The following NCOA3 variants were observed in gnomAD, a reference collection of about 807,000 sequenced individuals.
NCOA3 encodes the protein CBP-interacting protein.
NCOA3 carries 51 observed loss-of-function variants against 158.8 expected under a neutral mutation model. The ratio of observed to expected loss-of-function variants is 0.32; its 90% CI spans 0.26 to 0.41. The LOEUF is 0.41. Among genes scored for constraint, NCOA3 ranks in the 10% least tolerant of loss-of-function variants. NCOA3 has a pLI of 1.00. For missense variants in NCOA3, 1,510 were observed against 1,746.6 expected (o/e 0.86, Z 2.41); for synonymous variants, 537 against 592.4 (o/e 0.91, Z 1.36).
At chr20:47,571,606 G>T (rs576529958) in intron 1 of NCOA3, among the ~76,000 whole-genome samples, 62 of 152,086 alleles carry the variant, frequency 4.1e-4, no homozygotes, top group Admixed American at 4.6e-4. Flanking sequence ...TGAGCAGTAG[G>T]TCTCAACAGT....
chr20:47,647,962 T>A (rs1040593627), intron 18 of NCOA3, among the ~76,000 whole-genome samples: 4 of 149,564 alleles, frequency 2.7e-5, no homozygotes, highest in African/African-American at 9.9e-5. Flanking sequence ...TCGCCCAGGC[T>A]GGAGTGCAGT....
Position 47,563,426 on chromosome 20 carries a change from A to G in NCOA3, c.-98-19757A>G, listed in dbSNP as rs79012830. 8.5e-3 allele frequency among the ~76,000 whole-genome samples: 1,297 copies of G among 152,268 alleles called. 13 individuals are homozygous for G. The highest frequency in any genetic ancestry group is 0.013 in the Non-Finnish European group (918 of 68,028). Reference sequence around the variant, plus strand: ...CATATGTAGAAGGAATAGATAGGCTATCTCTGTACTTGGTCTCAATTTTGG... The same window carrying G: ...CATATGTAGAAGGAATAGATAGGCTGTCTCTGTACTTGGTCTCAATTTTGG... On this transcript the variant is annotated intron_variant, in intron 1 of 22. Coordinates refer to ENST00000371998, the MANE Select transcript of NCOA3 (RefSeq NM_181659.3).
intron 1 of NCOA3, among the ~76,000 whole-genome samples, chr20:47,564,482 T>A (rs2085160277): frequency 6.6e-6 from 1 of 152,204 alleles, no homozygotes; most frequent in Middle Eastern, 3.4e-3. Flanking sequence ...ATCTCTCACC[T>A]CAAGGAGCTT....
chr20:47,523,933 C>T (rs1330195133), intron 1 of NCOA3, among the ~76,000 whole-genome samples: 1 of 152,226 alleles, frequency 6.6e-6, no homozygotes, highest in Non-Finnish European at 1.5e-5. Context: ...ATTTTCATAG[C>T]CCATGCTAAA....
At chr20:47,548,685 G>A (rs2084876425) in intron 1 of NCOA3, among the ~76,000 whole-genome samples, 1 of 152,192 alleles carries the variant, frequency 6.6e-6, no homozygotes, top group African/African-American at 2.4e-5. Flanking sequence ...AAGTGTGCAT[G>A]TATATTATGC....
intron 1 of NCOA3, among the ~76,000 whole-genome samples, chr20:47,562,369 A>G (rs1236033363): frequency 6.6e-6 from 1 of 152,228 alleles, no homozygotes; most frequent in Non-Finnish European, 1.5e-5. Context: ...ATGAATGAGA[A>G]TTCCTGTTGC....
At chr20:47,525,565 G>C (rs1430421255) in intron 1 of NCOA3, among the ~76,000 whole-genome samples, 5 of 136,316 alleles carry the variant, frequency 3.7e-5, no homozygotes, top group Middle Eastern at 4.0e-3. Flanking sequence ...ACGGGGGGCT[G>C]ACCCCCCCCA....
chr20:47,511,800 T>C (rs1451755021), intron 1 of NCOA3, among the ~76,000 whole-genome samples: 4 of 151,528 alleles, frequency 2.6e-5, no homozygotes, highest in Non-Finnish European at 4.4e-5. Flanking sequence ...GATCTGCCCG[T>C]CTCCAAAATA....
In NCOA3 at chr20:47,647,919, GT is replaced by G. The variant is rs34097290; in HGVS notation, c.3546+566del. Among the ~76,000 whole-genome samples, 101 of 103,346 alleles carry G rather than the reference GT, an allele frequency of 9.8e-4. 1 individual carries two copies. Among genetic ancestry groups the G allele is most frequent in the African/African-American group, 3.8e-3 (79 of 20,632 alleles). 67.8% of individuals were successfully genotyped at this position (103,346 alleles called of 152,430 possible). ...TTTGTTTGTTTGTTTGTTTTGTTTT[GT>G]TTTTTTTTTTTTGAGGTGGAGTCTT... is the stretch of plus-strand genomic sequence containing the variant. On this transcript the variant is annotated intron_variant, in intron 18 of 22. Transcript: ENST00000371998.
At chr20:47,552,612 T>C (rs746349259) in intron 1 of NCOA3, among the ~76,000 whole-genome samples, 3 of 152,238 alleles carry the variant, frequency 2.0e-5, no homozygotes, top group Admixed American at 6.5e-5. Flanking sequence ...TGTCTCATAC[T>C]GCTGTTAATT....
chr20:47,518,385 T>G (rs905664500), intron 1 of NCOA3, among the ~76,000 whole-genome samples: 1 of 149,354 alleles, frequency 6.7e-6, no homozygotes, highest in Non-Finnish European at 1.5e-5. Context: ...AAAAGAAACA[T>G]AATTGAAAAA....
intron 8 of NCOA3, among the ~76,000 whole-genome samples, chr20:47,629,674 C>T (rs1049417773): frequency 6.6e-6 from 1 of 152,144 alleles, no homozygotes; most frequent in Admixed American, 6.6e-5. Flanking sequence ...ATTAACTCCC[C>T]TCAGATAAAC....
In NCOA3 at chr20:47,505,425, T is replaced by G. The variant is rs137874683; in HGVS notation, c.-99+3406T>G. ...GGAGGTAGAGTACTTTTGAAAACTT[T>G]TAATTTGTTGCAAGTTTAGAATGCA... On this transcript the variant is annotated intron_variant, in intron 1 of 22. Transcript: ENST00000371998. Among the ~76,000 whole-genome samples the G allele has an allele frequency of 5.9e-5, 9 of 152,226 alleles. No homozygotes were observed. The East Asian group carries it at 9.7e-4, about 16-fold the overall frequency.
chr20:47,594,644 G>A (rs182132190), intron 2 of NCOA3, among the ~76,000 whole-genome samples: 11 of 115,060 alleles, frequency 9.6e-5, no homozygotes, highest in African/African-American at 3.0e-4. Context: ...CAGGCTGGGC[G>A]ACAGAGCGAG....
At chr20:47,630,661 A>G (rs1470834224) in intron 8 of NCOA3, 1 of 151,940 alleles carries the variant, frequency 6.6e-6, no homozygotes, top group South Asian at 2.1e-4. Context: ...ATGGGGTTTC[A>G]CCATGTTAGC....
intron 1 of NCOA3, among the ~76,000 whole-genome samples, chr20:47,511,550 T>TATATATATATATATATATACATACACAC: frequency 5.7e-5 from 3 of 52,270 alleles, no homozygotes; most frequent in Non-Finnish European, 1.2e-4. Flanking sequence ...TATATATATA[T>TATATATATATATATATATACATACACAC]ATATATTTCT....
At chr20:47,593,083 G>A (rs973467441) in intron 2 of NCOA3, among the ~76,000 whole-genome samples, 11 of 151,978 alleles carry the variant, frequency 7.2e-5, no homozygotes. Context: ...ACAGGCATCC[G>A]CCACCACACC....
chr20:47,618,060 AACC>A (rs1255763294), intron 2 of NCOA3, among the ~76,000 whole-genome samples: 22 of 152,154 alleles, frequency 1.4e-4, no homozygotes, highest in Admixed American at 1.4e-3. Context: ...ATCATGGTGA[AACC>A]CTGTCTCTAT....
At chr20:47,552,455 A>G (rs748955877) in intron 1 of NCOA3, among the ~76,000 whole-genome samples, 4 of 152,144 alleles carry the variant, frequency 2.6e-5, no homozygotes, top group African/African-American at 7.2e-5. Flanking sequence ...CTTAGCATTT[A>G]TTTTATATTT....
Sources: allele counts gnomAD v4.1 joint callset (sites outside exome capture counted in the v4.1 genomes callset), GRCh38; gene constraint gnomAD v4.1.1; transcripts MANE v1.5; gene names NCBI Gene and HGNC (gene_info 2026-07-23, HGNC 2026-07-21).